Variants in CCDC15 observed in about 807,000 individuals in gnomAD.
CCDC15 encodes coiled-coil domain-containing protein 15.
In CCDC15, 105 loss-of-function variants were observed where a neutral mutation model predicts 114.5. The observed-to-expected ratio is 0.92, with a 90% CI of 0.78 to 1.08. The LOEUF (loss-of-function observed/expected upper bound fraction) is 1.08, where lower values mean the gene tolerates loss of function less well. Ranked by LOEUF, CCDC15 falls within the 50% of genes least tolerant of loss-of-function variation. The pLI is 0.00. For missense variants in CCDC15, 1,105 were observed against 1,093.6 expected (o/e 1.01, Z -0.15); for synonymous variants, 334 against 377.8 (o/e 0.88, Z 1.34).
intron 4 of CCDC15, among the ~76,000 whole-genome samples, chr11:124,968,860 T>C (rs904141483): frequency 1.3e-5 from 2 of 152,174 alleles, no homozygotes; most frequent in African/African-American, 2.4e-5. Flanking sequence ...ACCTCCACTA[T>C]TGGACAACTC....
At position 124,959,811 on chromosome 11, in the gene CCDC15, G is replaced by A. The variant is rs751859288; in HGVS notation, c.328-4G>A. The stretch of plus-strand genomic sequence containing the variant: ...TTACTATCCCCCTTTCTTCTTTCGT[G>A]TAGGCACAAAAAGAAGGCTCCATAG... On this transcript the variant is annotated splice_polypyrimidine_tract_variant and splice_region_variant and intron_variant, in intron 3 of 15. Transcript: ENST00000344762. 3.2e-6 allele frequency: 5 copies of A among 1,578,766 alleles called. No homozygotes were observed. The highest frequency in any genetic ancestry group is 4.3e-6 in the Non-Finnish European group (5 of 1,162,052).
intron 13 of CCDC15, among the ~76,000 whole-genome samples, chr11:125,032,816 G>T (rs542722684): frequency 6.6e-6 from 1 of 152,268 alleles, no homozygotes; most frequent in East Asian, 1.9e-4. Flanking sequence ...CTGTAAGTCA[G>T]ACCTGAGCTA....
chr11:124,963,950 G>A (rs1947720120), intron 4 of CCDC15, among the ~76,000 whole-genome samples: 1 of 152,182 alleles, frequency 6.6e-6, no homozygotes, highest in African/African-American at 2.4e-5. Flanking sequence ...TCAGATGGTT[G>A]TAGATGTGTG....
chr11:125,031,938 C>G (rs1407619536), intron 13 of CCDC15, among the ~76,000 whole-genome samples: 1 of 152,214 alleles, frequency 6.6e-6, no homozygotes, highest in African/African-American at 2.4e-5. Flanking sequence ...GGCATTGTGT[C>G]TCTTTCGTGG....
intron 6 of CCDC15, among the ~76,000 whole-genome samples, chr11:124,982,398 T>C (rs1274188793): frequency 6.6e-6 from 1 of 152,252 alleles, no homozygotes; most frequent in Non-Finnish European, 1.5e-5. Flanking sequence ...TCTATGTACT[T>C]AAGTGTGTTT....
intron 6 of CCDC15, among the ~76,000 whole-genome samples, chr11:124,980,909 C>A (rs1488605187): frequency 6.6e-6 from 1 of 152,158 alleles, no homozygotes; most frequent in Admixed American, 6.5e-5. Flanking sequence ...AAACTATAAA[C>A]TTCCCTCTTA....
chr11:125,034,928 C>A (rs1948766109), intron 13 of CCDC15, among the ~76,000 whole-genome samples: 1 of 152,160 alleles, frequency 6.6e-6, no homozygotes, highest in East Asian at 1.9e-4. Context: ...TATATAAACT[C>A]TCATATATAT....
At chr11:125,023,751 G>A (rs1948677179) in intron 13 of CCDC15, among the ~76,000 whole-genome samples, 1 of 152,014 alleles carries the variant, frequency 6.6e-6, no homozygotes, top group Non-Finnish European at 1.5e-5. Flanking sequence ...TCCAATAGCT[G>A]ATGAATGGAA....
At chr11:125,032,995 A>G (rs2135542439) in intron 13 of CCDC15, among the ~76,000 whole-genome samples, 1 of 152,270 alleles carries the variant, frequency 6.6e-6, no homozygotes, top group African/African-American at 2.4e-5. Context: ...TAAAGTCCGG[A>G]GGTCTCCTTG....
chr11:125,038,827 T>C, intron 14 of CCDC15, 94 bp from the exon 15 acceptor site: 4 of 1,375,210 alleles, frequency 2.9e-6, no homozygotes, highest in Non-Finnish European at 4.0e-6. Context: ...AGATACGGAA[T>C]AGATTTAACA....
intron 11 of CCDC15, among the ~76,000 whole-genome samples, chr11:125,001,637 G>A (rs1368988322): frequency 2.0e-5 from 3 of 152,154 alleles, no homozygotes; most frequent in African/African-American, 7.2e-5. Context: ...GGTAGTCTAT[G>A]TAAAGGAGAC....
At chr11:124,974,748 G>A (rs1030502850) in intron 4 of CCDC15, among the ~76,000 whole-genome samples, 5 of 152,128 alleles carry the variant, frequency 3.3e-5, no homozygotes, top group African/African-American at 1.2e-4. Context: ...TGACAAAGGT[G>A]GATAGAAGGT....
intron 13 of CCDC15, among the ~76,000 whole-genome samples, chr11:125,016,152 G>A (rs532028107): frequency 1.3e-5 from 2 of 152,146 alleles, no homozygotes; most frequent in Non-Finnish European, 2.9e-5. Flanking sequence ...GTATCTGCAT[G>A]GTTGAGGGCC....
Position 125,040,999 on chromosome 11 carries a change from C to G in CCDC15, c.*288C>G. On this transcript the variant is annotated 3_prime_UTR_variant, in exon 16 of 16. Coordinates refer to ENST00000344762, the MANE Select transcript of CCDC15 (RefSeq NM_025004.3). The stretch of plus-strand genomic sequence containing the variant: ...TTGCTCTGCTCTGATCAGAAGAGCT[C>G]ATGTGAAGTCTTTGAGATTCTCTTA... 1 of 247,672 alleles carries G rather than the reference C, an allele frequency of 4.0e-6. No homozygotes were observed. The allele number at this position is 247,672 out of a possible 1,614,324, so 15.3% of individuals were successfully genotyped here. A position where few individuals can be genotyped will look rare whatever the true frequency, so the allele number is the denominator to read the frequency against.
At chr11:124,962,050 A>T (rs547939180) in intron 4 of CCDC15, among the ~76,000 whole-genome samples, 34 of 151,802 alleles carry the variant, frequency 2.2e-4, no homozygotes, top group African/African-American at 7.0e-4. Context: ...TTTTTTTTTT[A>T]AAAGGACATG....
chr11:124,977,488 C>A lies in CCDC15; in HGVS notation c.641C>A (p.Ser214Tyr), dbSNP rs1018736774. 1.9e-6 allele frequency: 3 copies of A among 1,590,622 alleles called. No homozygotes were observed. In the African/African-American group the frequency reaches 4.1e-5, roughly 22 times the overall value. Residue 214 changes from serine to tyrosine, a missense_variant, in exon 6 of 16, where the codon TCC (serine) becomes TAC (tyrosine). Ser to Tyr is a moderately radical substitution (Grantham distance 144). Transcript: ENST00000344762. ...TAATTTTTTTTCCAGGAAGTGCTTT[C>A]CAGGAAACCAGCATCCACTGGGATA... Reference protein sequence around the residue: ...KSFLTREEVLSRKPASTGINT... With the variant: ...KSFLTREEVLYRKPASTGINT...
chr11:125,002,659 T>C (rs1422450237), intron 11 of CCDC15, among the ~76,000 whole-genome samples: 1 of 152,116 alleles, frequency 6.6e-6, no homozygotes, highest in Non-Finnish European at 1.5e-5. Flanking sequence ...GCCGTTTATT[T>C]TTCAATTGAA....
At chr11:124,998,188 G>A (rs956460176) in intron 11 of CCDC15, among the ~76,000 whole-genome samples, 3 of 152,208 alleles carry the variant, frequency 2.0e-5, no homozygotes, top group African/African-American at 7.2e-5. Context: ...GCCAGGGTCT[G>A]TCTGGAATCC....
intron 3 of CCDC15, 86 bp from the exon 4 acceptor site, chr11:124,959,729 A>AAAAAAT: frequency 1.1e-6 from 1 of 894,714 alleles, no homozygotes; most frequent in South Asian, 3.5e-5. Flanking sequence ...CCCCAATTTA[A>AAAAAAT]AATCTTCTGA....
Sources: allele counts gnomAD v4.1 joint callset (sites outside exome capture counted in the v4.1 genomes callset), GRCh38; gene constraint gnomAD v4.1.1; transcripts MANE v1.5; gene names NCBI Gene and HGNC (gene_info 2026-07-23, HGNC 2026-07-21).